The following FBXW11 variants were observed in gnomAD, a reference collection of about 807,000 sequenced individuals.
FBXW11 encodes the protein F-box and WD repeat domain containing 11.
In FBXW11, 19 loss-of-function variants were observed where a neutral mutation model predicts 77.6. The ratio of observed to expected loss-of-function variants is 0.24; its 90% CI spans 0.17 to 0.36. The LOEUF is 0.36. FBXW11 is among the 10% of genes least tolerant of loss of function. The pLI, the probability that FBXW11 is intolerant of heterozygous loss-of-function variation, is 1.00. For synonymous variants in FBXW11, 235 were observed against 249.4 expected, an observed-to-expected ratio of 0.94 and a Z score of 0.54; for missense variants, 334 against 704.2, an observed-to-expected ratio of 0.47 and a Z score of 5.95.
At chr5:171,868,887 C>T in intron 12 of FBXW11, 91 bp from the exon 13 acceptor site, 1 of 1,217,482 alleles carries the variant, frequency 8.2e-7, no homozygotes, top group Non-Finnish European at 1.1e-6. Flanking sequence ...GAAAATGCAG[C>T]CACTTAAACA....
At chr5:171,910,918 C>A in intron 3 of FBXW11, 121 bp from the exon 4 acceptor site, 1 of 648,244 alleles carries the variant, frequency 1.5e-6, no homozygotes, top group Non-Finnish European at 2.5e-6. Context: ...ACCCTAAAGC[C>A]AAACTCATTC....
chr5:171,914,206 G>A (rs1761078182), intron 3 of FBXW11, 137 bp downstream of exon 3: 2 of 681,150 alleles, frequency 2.9e-6, no homozygotes, highest in African/African-American at 1.9e-5. Flanking sequence ...ATAAATTAGG[G>A]TGGATTCTGA....
At chr5:171,894,191 C>T (rs1176423741) in intron 6 of FBXW11, among the ~76,000 whole-genome samples, 3 of 152,066 alleles carry the variant, frequency 2.0e-5, no homozygotes, top group Admixed American at 1.3e-4. Flanking sequence ...GGACAGAGGA[C>T]GACAACAACA....
At chr5:171,921,463 T>C (rs1034305364) in intron 2 of FBXW11, among the ~76,000 whole-genome samples, 4 of 152,198 alleles carry the variant, frequency 2.6e-5, no homozygotes, top group African/African-American at 9.6e-5. Flanking sequence ...ATCAATGTAC[T>C]TTCCACACAG....
chr5:171,897,222 G>C, intron 6 of FBXW11, among the ~76,000 whole-genome samples: 1 of 152,198 alleles, frequency 6.6e-6, no homozygotes, highest in East Asian at 1.9e-4. Flanking sequence ...AGTTAACAAA[G>C]TATCTGGCAT....
In FBXW11 at chr5:171,863,192, G is replaced by C. The variant is rs888295321; in HGVS notation, c.*935C>G. ...ATGACAACAACAAAATAAAAACACTGTATGAATACTGCAGGAAGGGTTCTA... is the reference window on the plus strand; with the variant it reads ...ATGACAACAACAAAATAAAAACACTCTATGAATACTGCAGGAAGGGTTCTA... On this transcript the variant is annotated 3_prime_UTR_variant, in exon 14 of 14. Coordinates refer to ENST00000517395, the MANE Select transcript of FBXW11 (RefSeq NM_001378974.1). 1.3e-5 allele frequency: 2 copies of C among 152,614 alleles called. No homozygotes were observed. The highest frequency in any genetic ancestry group is 4.8e-5 in the African/African-American group (2 of 41,430). The allele number at this position is 152,614 out of a possible 1,614,324, so 9.5% of individuals were successfully genotyped here. A position where few individuals can be genotyped will look rare whatever the true frequency, so the allele number is the denominator to read the frequency against.
chr5:172,006,184 G>T (rs1266292814), intron 1 of FBXW11, among the ~76,000 whole-genome samples: 1 of 152,220 alleles, frequency 6.6e-6, no homozygotes, highest in African/African-American at 2.4e-5. Flanking sequence ...CAGCATAAAC[G>T]AGCGAGGGTC....
chr5:171,914,300 C>T (rs1190820170), intron 3 of FBXW11, 43 bp downstream of exon 3: 1 of 1,525,098 alleles, frequency 6.6e-7, no homozygotes, highest in Non-Finnish European at 9.0e-7. Context: ...ATCCTATCTA[C>T]AGTAAGTCAG....
At chr5:171,932,327 T>C (rs1268701816) in intron 2 of FBXW11, among the ~76,000 whole-genome samples, 1 of 152,110 alleles carries the variant, frequency 6.6e-6, no homozygotes, top group Non-Finnish European at 1.5e-5. Context: ...ATCAGGTAAA[T>C]ACAAATTAAA....
intron 2 of FBXW11, among the ~76,000 whole-genome samples, chr5:171,955,719 T>C (rs967508317): frequency 6.6e-6 from 1 of 152,026 alleles, no homozygotes; most frequent in Non-Finnish European, 1.5e-5. Flanking sequence ...ATACCCTCAA[T>C]TATATACTAG....
intron 1 of FBXW11, among the ~76,000 whole-genome samples, chr5:171,967,596 T>C (rs1490756141): frequency 6.6e-6 from 1 of 152,000 alleles, no homozygotes; most frequent in Non-Finnish European, 1.5e-5. Flanking sequence ...TCCCAGCACT[T>C]TGGGAGGCCG....
In FBXW11 at chr5:171,990,386, C is replaced by T. The variant is rs139397406; in HGVS notation, c.45+16072G>A. ...ATGAGACTGTCAGGAAATAAGAGCA[C>T]TGTTACTCAAGATCTGTGAGAGTAT... On this transcript the variant is annotated intron_variant, in intron 1 of 13. Transcript: ENST00000517395. Among the ~76,000 whole-genome samples the T allele has an allele frequency of 4.9e-4, 75 of 152,272 alleles. 2 individuals are homozygous for T. The East Asian group carries it at 0.014, about 29-fold the overall frequency.
intron 6 of FBXW11, among the ~76,000 whole-genome samples, chr5:171,896,760 A>T (rs183458226): frequency 7.4e-4 from 113 of 152,328 alleles, no homozygotes; most frequent in Middle Eastern, 3.4e-3. Context: ...ACAATCATCT[A>T]TGTAAATCAC....
At chr5:171,968,931 T>C (rs2113404166) in intron 1 of FBXW11, among the ~76,000 whole-genome samples, 1 of 152,310 alleles carries the variant, frequency 6.6e-6, no homozygotes, top group Admixed American at 6.5e-5. Flanking sequence ...CCTACTTTCA[T>C]TTAACAGAGG....
At chr5:171,978,585 A>C (rs941934873) in intron 1 of FBXW11, among the ~76,000 whole-genome samples, 1 of 152,216 alleles carries the variant, frequency 6.6e-6, no homozygotes, top group Non-Finnish European at 1.5e-5. Flanking sequence ...TCTCACAGAG[A>C]GCATCCAGAG....
intron 6 of FBXW11, among the ~76,000 whole-genome samples, chr5:171,895,427 G>T (rs1191712414): frequency 1.3e-5 from 2 of 152,108 alleles, no homozygotes; most frequent in African/African-American, 2.4e-5. Flanking sequence ...TATCAGGTTT[G>T]CAAACCACAA....
chr5:171,876,661 T>A lies in FBXW11; in HGVS notation c.972-127A>T. On this transcript the variant is annotated intron_variant, in intron 8 of 13. Coordinates refer to ENST00000517395, the MANE Select transcript of FBXW11 (RefSeq NM_001378974.1). The surrounding 1 kb of genome is among the most constrained non-coding windows in gnomAD (Gnocchi z 4.2). ...TTGTCTGACTCTACCAAATCTCATG[T>A]TGAAATTGATCCTCAATGTTGGAGG... The A allele has an allele frequency of 8.1e-7, 1 of 1,230,906 alleles. No individual in the cohort carries two copies. The highest frequency in any genetic ancestry group is 1.5e-5 in the South Asian group (1 of 68,546). The allele number at this position is 1,230,906 out of a possible 1,614,324, so 76.2% of individuals were successfully genotyped here.
chr5:171,903,501 C>T (rs1438632283), intron 4 of FBXW11, among the ~76,000 whole-genome samples: 1 of 152,182 alleles, frequency 6.6e-6, no homozygotes, highest in Non-Finnish European at 1.5e-5. Context: ...ACAAATTATT[C>T]ATCAGAATTT....
intron 9 of FBXW11, among the ~76,000 whole-genome samples, chr5:171,874,750 TAC>T (rs1757965993): frequency 2.8e-5 from 1 of 36,188 alleles, no homozygotes; most frequent in African/African-American, 1.4e-4. Flanking sequence ...ACCTGGTCTC[TAC>T]AAAAAAAAAA....
Sources: gnomAD v4.1 joint callset for allele counts (sites outside exome capture counted in the v4.1 genomes callset) on GRCh38, gnomAD v4.1.1 for gene constraint, Gnocchi (gnomAD v3.1) non-coding constraint, MANE v1.5 for transcripts, NCBI Gene and HGNC (gene_info 2026-07-23, HGNC 2026-07-21) for gene names.